The following DCC variants were observed in gnomAD, a reference collection of about 807,000 sequenced individuals.
DCC encodes the protein DCC netrin 1 receptor, also known as netrin receptor DCC.
DCC carries 58 observed loss-of-function variants against 172.5 expected under a neutral mutation model. The observed-to-expected ratio is 0.34, with a 90% CI of 0.27 to 0.42. DCC has a LOEUF of 0.42. Ranked by LOEUF, DCC falls within the 10% of genes least tolerant of loss-of-function variation. The pLI, the probability that DCC is intolerant of heterozygous loss-of-function variation, is 1.00. For synonymous variants in DCC, 709 were observed against 644.5 expected (o/e 1.10, Z -1.52); for missense variants, 1,740 against 1,791.0 (o/e 0.97, Z 0.51).
chr18:53,264,047 T>C (rs2056637576), intron 12 of DCC, among the ~76,000 whole-genome samples: 2 of 152,300 alleles, frequency 1.3e-5, no homozygotes, highest in Middle Eastern at 3.4e-3. Context: ...TGTTCTGTAT[T>C]TTGCTCTTAC....
chr18:52,555,088 G>A lies in DCC; in HGVS notation c.92-196966G>A, dbSNP rs374966027. Among the ~76,000 whole-genome samples, 80 of 152,202 alleles carry A rather than the reference G, an allele frequency of 5.3e-4. No individual in the cohort carries two copies. In the South Asian group the frequency reaches 5.8e-3, roughly 11 times the overall value. On this transcript the variant is annotated intron_variant, in intron 1 of 28. Transcript: ENST00000442544. ...CATTGTACCAGGTAAAAACTTTATG[G>A]AGGAAACTATTGTCAGTAGAGTGTT...
chr18:53,276,139 A>G (rs1162711356), intron 12 of DCC, among the ~76,000 whole-genome samples: 1 of 152,162 alleles, frequency 6.6e-6, no homozygotes, highest in African/African-American at 2.4e-5. Flanking sequence ...TAACAGTAAT[A>G]AACTATCAAC....
At chr18:53,004,489 A>T (rs1487698144) in intron 5 of DCC, among the ~76,000 whole-genome samples, 1 of 152,190 alleles carries the variant, frequency 6.6e-6, no homozygotes, top group South Asian at 2.1e-4. Flanking sequence ...TGGCAGAATA[A>T]TTTCTTAAGC....
intron 2 of DCC, among the ~76,000 whole-genome samples, chr18:52,878,007 G>T (rs1943098): frequency 0.39 from 59,383 of 151,550 alleles, 12,251 homozygotes; most frequent in Non-Finnish European, 0.47. Context: ...TGTGTCTCTG[G>T]GGCTAAATAT....
chr18:53,322,180 A>C (rs768432120), intron 14 of DCC, 23 bp downstream of exon 14: 4 of 1,164,022 alleles, frequency 3.4e-6, no homozygotes, highest in Non-Finnish European at 5.2e-6. Flanking sequence ...CCCAGTTACT[A>C]TCACTCTGAT....
chr18:53,396,867 T>G (rs1175379234), intron 17 of DCC, among the ~76,000 whole-genome samples: 1 of 152,124 alleles, frequency 6.6e-6, no homozygotes, highest in African/African-American at 2.4e-5. Flanking sequence ...TTTCAAAAAT[T>G]GAGTTGACAG....
intron 1 of DCC, among the ~76,000 whole-genome samples, chr18:52,711,997 C>T (rs2036300653): frequency 6.6e-6 from 1 of 151,496 alleles, no homozygotes. Context: ...GAGTCTCACT[C>T]TGTCACCAGG....
intron 15 of DCC, among the ~76,000 whole-genome samples, chr18:53,381,176 A>G (rs915645640): frequency 1.3e-5 from 2 of 152,204 alleles, no homozygotes; most frequent in African/African-American, 2.4e-5. Flanking sequence ...AAACCAATAC[A>G]ATGAGAATCT....
chr18:52,891,878 T>C (rs1008389966), intron 2 of DCC, among the ~76,000 whole-genome samples: 3 of 152,148 alleles, frequency 2.0e-5, no homozygotes, highest in African/African-American at 7.2e-5. Flanking sequence ...GCTTCCACTC[T>C]TGTATTCACC....
At chr18:52,811,077 ACAATT>A (rs763378622) in intron 2 of DCC, among the ~76,000 whole-genome samples, 51 of 152,334 alleles carry the variant, frequency 3.3e-4, no homozygotes, top group Non-Finnish European at 5.9e-4. Context: ...GGGAAATTGA[ACAATT>A]CAAGCTATAG....
chr18:52,357,282 C>T (rs1344426665), intron 1 of DCC, among the ~76,000 whole-genome samples: 2 of 152,042 alleles, frequency 1.3e-5, no homozygotes, highest in African/African-American at 2.4e-5. Context: ...ATGCAGAAAA[C>T]ATACAAGATA....
chr18:52,955,175 GTTTCA>G (rs2040722109), intron 5 of DCC, among the ~76,000 whole-genome samples: 2 of 152,112 alleles, frequency 1.3e-5, no homozygotes, highest in African/African-American at 2.4e-5. Context: ...ATGCATGATA[GTTTCA>G]TTGTCTAAAG....
chr18:52,631,553 A>G (rs2034676035), intron 1 of DCC, among the ~76,000 whole-genome samples: 1 of 152,166 alleles, frequency 6.6e-6, no homozygotes, highest in Non-Finnish European at 1.5e-5. Context: ...TTTTGGGCCT[A>G]CCCATTTTCC....
rs555648990 is a variant in DCC, at chr18:53,343,286, G to A, written c.2359+3379G>A. Among the ~76,000 whole-genome samples, 309 of 152,006 alleles carry A rather than the reference G, an allele frequency of 2.0e-3. 2 individuals are homozygous for A. Among genetic ancestry groups the A allele is most frequent in the Non-Finnish European group, 2.1e-3 (141 of 67,856 alleles). ...AAAATTTAGTCTTTACCATGAAATA[G>A]GTTATTACCTCTGGTCTCTTTAAGC... On this transcript the variant is annotated intron_variant, in intron 15 of 28. Coordinates refer to ENST00000442544, the MANE Select transcript of DCC (RefSeq NM_005215.4).
At chr18:52,890,728 T>G (rs2039636688) in intron 2 of DCC, among the ~76,000 whole-genome samples, 1 of 152,110 alleles carries the variant, frequency 6.6e-6, no homozygotes, top group South Asian at 2.1e-4. Flanking sequence ...AATATCGATA[T>G]GTGTCTCAAA....
rs573155904 is a variant in DCC, at chr18:53,505,013, CT to C, written c.4111+5508del. 1.7e-3 allele frequency among the ~76,000 whole-genome samples: 263 copies of C among 152,190 alleles called. 1 individual carries two copies. The highest frequency in any genetic ancestry group is 6.0e-3 in the African/African-American group (248 of 41,530). ...ATGTTAACAGTTATTCTTAGAGTGA[CT>C]TTTTCCCCCCCTAAAAGGGGTCTTC... On this transcript the variant is annotated intron_variant, in intron 27 of 28. Transcript: ENST00000442544.
intron 1 of DCC, among the ~76,000 whole-genome samples, chr18:52,564,134 A>G (rs2033101973): frequency 6.6e-6 from 1 of 152,102 alleles, no homozygotes; most frequent in African/African-American, 2.4e-5. Flanking sequence ...TAGATTCTGT[A>G]CCATTTTAAA....
chr18:53,497,700 T>G (rs2046042000), intron 26 of DCC, among the ~76,000 whole-genome samples: 1 of 152,214 alleles, frequency 6.6e-6, no homozygotes, highest in Admixed American at 6.5e-5. Flanking sequence ...AGAAATTTAG[T>G]GCCTTGTATA....
chr18:52,639,799 G>A (rs959901859), intron 1 of DCC, among the ~76,000 whole-genome samples: 2 of 152,072 alleles, frequency 1.3e-5, no homozygotes, highest in Non-Finnish European at 2.9e-5. Context: ...AGAAGAATTG[G>A]TACCTATTCT....
Sources: gnomAD v4.1 joint callset for allele counts (sites outside exome capture counted in the v4.1 genomes callset) on GRCh38, gnomAD v4.1.1 for gene constraint, MANE v1.5 for transcripts, NCBI Gene and HGNC (gene_info 2026-07-23, HGNC 2026-07-21) for gene names.